The following DMC1 variants were observed in gnomAD, a reference collection of about 807,000 sequenced individuals.
The protein encoded by DMC1 is DNA meiotic recombinase 1.
In DMC1, 27 loss-of-function variants were observed where a neutral mutation model predicts 50.1. The ratio of observed to expected loss-of-function variants is 0.54; its 90% confidence interval spans 0.40 to 0.74. DMC1 has a LOEUF of 0.74. Among genes scored for constraint, DMC1 ranks in the 30% least tolerant of loss-of-function variants. DMC1 has a pLI of 0.00. For synonymous variants in DMC1, 148 were observed against 136.1 expected (o/e 1.09, Z -0.61); for missense variants, 295 against 420.2 (o/e 0.70, Z 2.60).
intron 2 of DMC1, 46 bp downstream of exon 2, chr22:38,568,160 G>T: frequency 6.4e-7 from 1 of 1,562,694 alleles, no homozygotes; most frequent in Middle Eastern, 1.7e-4. Context: ...CTTGATTTTT[G>T]CGGAATGATC....
At chr22:38,541,295 TTA>T (rs1191685409) in intron 8 of DMC1, among the ~76,000 whole-genome samples, 2 of 152,156 alleles carry the variant, frequency 1.3e-5, no homozygotes, top group African/African-American at 4.8e-5. Flanking sequence ...TTAAAAATTT[TTA>T]TTTTATTTTT....
At chr22:38,552,163 A>G in intron 7 of DMC1, among the ~76,000 whole-genome samples, 1 of 152,116 alleles carries the variant, frequency 6.6e-6, no homozygotes, top group Non-Finnish European at 1.5e-5. Context: ...GCCCGGCCAG[A>G]ACTCCTTTCT....
chr22:38,509,930 G>A, the DMC1 span, among the ~76,000 whole-genome samples: 1 of 152,122 alleles, frequency 6.6e-6, no homozygotes, highest in Non-Finnish European at 1.5e-5. Context: ...GCCTCCCAAA[G>A]TGCTAGGATT....
At position 38,548,630 on chromosome 22, in the gene DMC1, T is replaced by C. The variant is rs141573459; in HGVS notation, c.494+1295A>G. Among the ~76,000 whole-genome samples the C allele has an allele frequency of 3.1e-3, 465 of 152,106 alleles. 5 individuals are homozygous for C. Among genetic ancestry groups the C allele is most frequent in the African/African-American group, 0.011 (442 of 41,486 alleles). ...GGCTCACGCCTATAATTCCAACACT[T>C]TGGGAGGCTGAGGTGGGTGGATCAC... On this transcript the variant is annotated intron_variant, in intron 8 of 13. Transcript: ENST00000216024.
intron 3 of DMC1, 102 bp from the exon 4 acceptor site, chr22:38,566,838 G>T: frequency 8.1e-7 from 1 of 1,241,464 alleles, no homozygotes; most frequent in Non-Finnish European, 1.2e-6. Flanking sequence ...CCACCATGAT[G>T]CCAATTTTAT....
intron 5 of DMC1, among the ~76,000 whole-genome samples, chr22:38,557,739 G>A (rs371867384): frequency 2.0e-4 from 31 of 152,068 alleles, no homozygotes; most frequent in African/African-American, 7.0e-4. Flanking sequence ...ACCTTTTAAC[G>A]TTTAAGATAA....
At chr22:38,536,230 C>A (rs999544371) in intron 12 of DMC1, among the ~76,000 whole-genome samples, 1 of 149,276 alleles carries the variant, frequency 6.7e-6, no homozygotes, top group Non-Finnish European at 1.5e-5. Flanking sequence ...AAAAAAAAAA[C>A]ACACACACAC....
downstream of DMC1, among the ~76,000 whole-genome samples, chr22:38,518,330 A>G (rs1311993964): frequency 6.6e-6 from 1 of 152,192 alleles, no homozygotes; most frequent in Non-Finnish European, 1.5e-5. Flanking sequence ...AATTAATTAT[A>G]TAATCATTTG....
At chr22:38,524,724 G>T (rs1270574501) in intron 12 of DMC1, among the ~76,000 whole-genome samples, 1 of 152,028 alleles carries the variant, frequency 6.6e-6, no homozygotes, top group African/African-American at 2.4e-5. Flanking sequence ...CCCTTGCCTG[G>T]TTCCCTGAAA....
chr22:38,539,514 A>G (rs926955590), intron 8 of DMC1, 102 bp from the exon 9 acceptor site: 22 of 897,628 alleles, frequency 2.5e-5, no homozygotes, highest in Non-Finnish European at 4.0e-5. Context: ...GAGAAGCCAA[A>G]CAATGTACCT....
intron 7 of DMC1, among the ~76,000 whole-genome samples, chr22:38,551,856 C>CTTTTTTTTT (rs71761663): frequency 1.1e-5 from 1 of 93,184 alleles, no homozygotes; most frequent in Non-Finnish European, 2.1e-5. Context: ...GAACTCCTTT[C>CTTTTTTTTT]TTTTTTTTTT....
intron 12 of DMC1, among the ~76,000 whole-genome samples, chr22:38,525,844 G>A (rs958743390): frequency 2.0e-5 from 3 of 152,052 alleles, no homozygotes; most frequent in African/African-American, 4.8e-5. Flanking sequence ...GGAGGCTGAC[G>A]CAGGAAGATC....
chr22:38,556,413 A>C (rs1387375095), intron 5 of DMC1, among the ~76,000 whole-genome samples: 1 of 152,206 alleles, frequency 6.6e-6, no homozygotes, highest in Non-Finnish European at 1.5e-5. Context: ...AATATACTGA[A>C]AAACATATGA....
chr22:38,528,152 C>A (rs1269422946), intron 12 of DMC1, among the ~76,000 whole-genome samples: 2 of 150,942 alleles, frequency 1.3e-5, no homozygotes, highest in East Asian at 4.0e-4. Flanking sequence ...ACCTCCACCA[C>A]CCAGGCTCAA....
chr22:38,555,089 C>CAA lies in DMC1; in HGVS notation c.379+266_379+267dup, dbSNP rs56405720. ...TGGGTGACACAGCGAGACTCCGTCT[C>CAA]AAAAAAAAAAAAAAAAATCTATTAT... On this transcript the variant is annotated intron_variant, in intron 6 of 13. Coordinates refer to ENST00000216024, the MANE Select transcript of DMC1 (RefSeq NM_007068.4). Among the ~76,000 whole-genome samples the CAA allele has an allele frequency of 4.1e-4, 36 of 87,710 alleles. No homozygotes were observed. In the East Asian group the frequency reaches 5.0e-3, roughly 12 times the overall value. The allele number at this position is 87,710 out of a possible 152,430, so 57.5% of individuals were successfully genotyped here.
intron 12 of DMC1, 79 bp downstream of exon 12, chr22:38,537,513 T>C: frequency 4.3e-6 from 6 of 1,391,948 alleles, no homozygotes; most frequent in Non-Finnish European, 6.1e-6. Flanking sequence ...TGCCCGGCCT[T>C]GAAATTATTT....
intron 6 of DMC1, among the ~76,000 whole-genome samples, chr22:38,553,817 G>T (rs1253841647): frequency 6.6e-6 from 1 of 151,758 alleles, no homozygotes; most frequent in Non-Finnish European, 1.5e-5. Flanking sequence ...AAATTAGCTG[G>T]GTGTGGTGGC....
chr22:38,548,625 A>G (rs1160309133), intron 8 of DMC1, among the ~76,000 whole-genome samples: 7 of 152,242 alleles, frequency 4.6e-5, no homozygotes, highest in Middle Eastern at 6.8e-3. Context: ...TATAATTCCA[A>G]CACTTTGGGA....
intron 2 of DMC1, among the ~76,000 whole-genome samples, chr22:38,567,971 C>T (rs1213616001): frequency 6.6e-6 from 1 of 152,154 alleles, no homozygotes; most frequent in Non-Finnish European, 1.5e-5. Flanking sequence ...ATTCGGTACC[C>T]GTGTGTGTAG....
Sources: gnomAD v4.1 joint callset for allele counts (sites outside exome capture counted in the v4.1 genomes callset) on GRCh38, gnomAD v4.1.1 for gene constraint, MANE v1.5 for transcripts, NCBI Gene and HGNC (gene_info 2026-07-23, HGNC 2026-07-21) for gene names.